The following LPP variants were observed in gnomAD, a reference collection of about 807,000 sequenced individuals.
The protein encoded by LPP is LIM domain containing preferred translocation partner in lipoma, also known as lipoma-preferred partner.
A neutral mutation model predicts 60.4 loss-of-function variants in LPP; 38 were observed. The ratio of observed to expected loss-of-function variants is 0.63; its 90% CI spans 0.49 to 0.83. The LOEUF (loss-of-function observed/expected upper bound fraction) is 0.83, where lower values mean the gene tolerates loss of function less well. Among genes scored for constraint, LPP ranks in the 40% least tolerant of loss-of-function variants. The pLI is 0.00. For missense variants in LPP, 902 were observed against 783.6 expected (o/e 1.15, Z -1.80); for synonymous variants, 328 against 290.8 (o/e 1.13, Z -1.30).
chr3:188,246,339 T>C, intron 2 of LPP, among the ~76,000 whole-genome samples: 1 of 152,224 alleles, frequency 6.6e-6, no homozygotes, highest in East Asian at 1.9e-4. Context: ...AATAACTTTC[T>C]AAAGCCTTTA....
intron 3 of LPP, among the ~76,000 whole-genome samples, chr3:188,391,667 C>T (rs559443662): frequency 6.6e-6 from 1 of 152,018 alleles, no homozygotes; most frequent in South Asian, 2.1e-4. Flanking sequence ...TCAAGCAAGA[C>T]AAAAATGGTG....
intron 7 of LPP, among the ~76,000 whole-genome samples, chr3:188,618,185 G>T (rs1040820175): frequency 6.6e-6 from 1 of 152,078 alleles, no homozygotes; most frequent in African/African-American, 2.4e-5. Flanking sequence ...TGATTTTTCT[G>T]GAGTACAGCA....
chr3:188,281,801 A>G (rs1210227726), intron 2 of LPP, among the ~76,000 whole-genome samples: 1 of 152,126 alleles, frequency 6.6e-6, no homozygotes, highest in East Asian at 1.9e-4. Flanking sequence ...ACCTGTAAAT[A>G]TATGTTTATT....
In LPP at chr3:188,765,861, C is replaced by CTTTTTTTTTTTTTTTTTTTTTTTTT. The variant is rs71169019; in HGVS notation, c.1410+5581_1410+5605dup. On this transcript the variant is annotated intron_variant, in intron 9 of 11. Coordinates refer to ENST00000617246, the MANE Select transcript of LPP (RefSeq NM_001375462.1). ...GCAACGTGCAACTTAATGTTCAACT[C>CTTTTTTTTTTTTTTTTTTTTTTTTT]TTTTTTTTTTTTTTTTTTTTTTTTT... Among the ~76,000 whole-genome samples, 7 of 92,618 alleles carry CTTTTTTTTTTTTTTTTTTTTTTTTT rather than the reference C, an allele frequency of 7.6e-5. 2 individuals are homozygous for CTTTTTTTTTTTTTTTTTTTTTTTTT. Among genetic ancestry groups the CTTTTTTTTTTTTTTTTTTTTTTTTT allele is most frequent in the African/African-American group, 8.7e-5 (2 of 22,998 alleles). The allele number at this position is 92,618 out of a possible 152,430, so 60.8% of individuals were successfully genotyped here.
At chr3:188,706,268 G>C (rs550890265) in intron 7 of LPP, among the ~76,000 whole-genome samples, 2 of 152,270 alleles carry the variant, frequency 1.3e-5, no homozygotes, top group South Asian at 4.1e-4. Flanking sequence ...CAGTTTCCCT[G>C]TCTCACAAAG....
chr3:188,514,134 T>A (rs1816633173), intron 5 of LPP, among the ~76,000 whole-genome samples: 1 of 152,190 alleles, frequency 6.6e-6, no homozygotes, highest in African/African-American at 2.4e-5. Context: ...TCATGGAGTT[T>A]ATCTTAAGGA....
intron 2 of LPP, among the ~76,000 whole-genome samples, chr3:188,269,463 T>G (rs988931109): frequency 6.6e-6 from 1 of 152,262 alleles, no homozygotes; most frequent in Non-Finnish European, 1.5e-5. Context: ...TTATAAAAAC[T>G]TAATAATTGT....
intron 6 of LPP, among the ~76,000 whole-genome samples, chr3:188,594,837 C>CT (rs1248377516): frequency 1.3e-5 from 2 of 151,984 alleles, no homozygotes; most frequent in African/African-American, 4.8e-5. Context: ...AGCAAAATAT[C>CT]TGTATTGACA....
rs1322195312 is a variant in LPP at position 188,886,727 on chromosome 3, CACACACACAT to C, written c.*12258_*12267del. Reference sequence around the variant, plus strand: ...AATTGTATTGTCTTCAAAACACACACACACACACATACACACACACACACACACACACACA... The same window carrying C: ...AATTGTATTGTCTTCAAAACACACACACACACACACACACACACACACACA... On this transcript the variant is annotated 3_prime_UTR_variant, in exon 12 of 12. Coordinates refer to ENST00000617246, the MANE Select transcript of LPP (RefSeq NM_001375462.1). The C allele has an allele frequency of 3.5e-3, 599 of 172,944 alleles. 1 individual carries two copies. Among genetic ancestry groups the C allele is most frequent in the East Asian group, 0.025 (263 of 10,584 alleles). 10.7% of individuals were successfully genotyped at this position (172,944 alleles called of 1,614,324 possible).
chr3:188,777,571 G>T (rs776423496), intron 9 of LPP, among the ~76,000 whole-genome samples: 30 of 152,170 alleles, frequency 2.0e-4, no homozygotes, highest in Non-Finnish European at 4.3e-4. Flanking sequence ...GCAAAAGATT[G>T]AGGAGCTAAT....
At chr3:188,778,580 T>C (rs1385766864) in intron 9 of LPP, among the ~76,000 whole-genome samples, 1 of 152,154 alleles carries the variant, frequency 6.6e-6, no homozygotes, top group African/African-American at 2.4e-5. Context: ...TTTGGTTCAG[T>C]CTTGCAGCAT....
intron 9 of LPP, among the ~76,000 whole-genome samples, chr3:188,763,909 T>G (rs1319345033): frequency 1.3e-5 from 2 of 152,142 alleles, no homozygotes; most frequent in Non-Finnish European, 2.9e-5. Context: ...CTTGCTAGAT[T>G]TCTTTAGAAA....
chr3:188,374,742 C>G (rs934019280), intron 3 of LPP, among the ~76,000 whole-genome samples: 1 of 152,056 alleles, frequency 6.6e-6, no homozygotes, highest in Non-Finnish European at 1.5e-5. Flanking sequence ...TCCAACACTA[C>G]GTTGAATAGG....
chr3:188,734,908 C>A (rs1467658582), intron 8 of LPP, among the ~76,000 whole-genome samples: 1 of 152,194 alleles, frequency 6.6e-6, no homozygotes, highest in African/African-American at 2.4e-5. Context: ...TGGAGACACT[C>A]GGTGTCACCC....
intron 3 of LPP, among the ~76,000 whole-genome samples, chr3:188,344,169 G>C (rs1277030714): frequency 1.3e-5 from 2 of 152,086 alleles, no homozygotes; most frequent in African/African-American, 4.8e-5. Flanking sequence ...TTTTCCACAG[G>C]GTGATTCATT....
intron 2 of LPP, among the ~76,000 whole-genome samples, chr3:188,243,805 C>T (rs1222978520): frequency 6.6e-6 from 1 of 152,088 alleles, no homozygotes; most frequent in Non-Finnish European, 1.5e-5. Flanking sequence ...AGGAGGCTAA[C>T]TAGAAAGTTC....
chr3:188,435,155 A>T (rs1791997314), intron 4 of LPP, among the ~76,000 whole-genome samples: 1 of 152,212 alleles, frequency 6.6e-6, no homozygotes, highest in Admixed American at 6.5e-5. Flanking sequence ...CTACACTAGT[A>T]TATAAGGAGG....
At position 188,265,802 on chromosome 3, in the gene LPP, C is replaced by CT. The variant is rs930548237; in HGVS notation, c.-67+40285dup. 2.5e-3 allele frequency among the ~76,000 whole-genome samples: 346 copies of CT among 141,008 alleles called. 4 individuals are homozygous for CT. Among genetic ancestry groups the CT allele is most frequent in the African/African-American group, 7.9e-3 (304 of 38,280 alleles). The allele number at this position is 141,008 out of a possible 152,430, so 92.5% of individuals were successfully genotyped here. A position where few individuals can be genotyped will look rare whatever the true frequency, so the allele number is the denominator to read the frequency against. On this transcript the variant is annotated intron_variant, in intron 2 of 11. Transcript: ENST00000617246. ...TGCCTTCCTGTAATGTTGGAGGCTT[C>CT]TTTTTTTTTTGGTAATCAGTAAGGA...
chr3:188,626,928 A>T (rs1464474258), intron 7 of LPP, among the ~76,000 whole-genome samples: 1 of 152,210 alleles, frequency 6.6e-6, no homozygotes, highest in Non-Finnish European at 1.5e-5. Flanking sequence ...AATCACATTA[A>T]TAAAAGCTAT....
Sources: gnomAD v4.1 joint callset for allele counts (sites outside exome capture counted in the v4.1 genomes callset) on GRCh38, gnomAD v4.1.1 for gene constraint, MANE v1.5 for transcripts, NCBI Gene and HGNC (gene_info 2026-07-23, HGNC 2026-07-21) for gene names.